Variants in THSD7B observed in about 807,000 individuals in gnomAD.
THSD7B encodes the protein thrombospondin type-1 domain-containing protein 7B.
In THSD7B, 138 loss-of-function variants were observed where a neutral mutation model predicts 213.6. The observed-to-expected ratio is 0.65, with a 90% CI of 0.56 to 0.74. The LOEUF (loss-of-function observed/expected upper bound fraction) is 0.74, where lower values mean the gene tolerates loss of function less well. Among genes scored for constraint, THSD7B ranks in the 30% least tolerant of loss-of-function variants. THSD7B has a pLI of 0.00. For synonymous variants in THSD7B, 742 were observed against 687.0 expected (o/e 1.08, Z -1.25); for missense variants, 1,931 against 1,991.5 (o/e 0.97, Z 0.58).
At chr2:136,802,509 G>A (rs1380315025) in intron 1 of THSD7B, among the ~76,000 whole-genome samples, 2 of 151,350 alleles carry the variant, frequency 1.3e-5, no homozygotes, top group African/African-American at 4.9e-5. Flanking sequence ...GCCCTCCTGA[G>A]AGGATAACAA....
chr2:137,546,054 A>G (rs1457587371), intron 15 of THSD7B, among the ~76,000 whole-genome samples: 1 of 151,392 alleles, frequency 6.6e-6, no homozygotes, highest in Non-Finnish European at 1.5e-5. Context: ...AAAAAAACAT[A>G]AATGGATTCA....
At chr2:137,498,766 T>C (rs1277307835) in intron 15 of THSD7B, among the ~76,000 whole-genome samples, 1 of 152,016 alleles carries the variant, frequency 6.6e-6, no homozygotes, top group Non-Finnish European at 1.5e-5. Context: ...AGAGAGGTGT[T>C]ATATTGTGAC....
In THSD7B at chr2:137,419,304, T is replaced by G. The variant is rs566788313; in HGVS notation, c.2959+7432T>G. Among the ~76,000 whole-genome samples the G allele has an allele frequency of 2.6e-5, 4 of 151,576 alleles. No individual in the cohort carries two copies. In the South Asian group the frequency reaches 6.3e-4, roughly 24 times the overall value. Reference sequence around the variant, plus strand: ...TCAGTCTGCCAGGCTGTGCCTGGCTTGTACTCTGGTGCTTATCCTGTAGCC... The same window carrying G: ...TCAGTCTGCCAGGCTGTGCCTGGCTGGTACTCTGGTGCTTATCCTGTAGCC... On this transcript the variant is annotated intron_variant, in intron 14 of 27. Coordinates refer to ENST00000409968, the MANE Select transcript of THSD7B (RefSeq NM_001316349.2).
In THSD7B at chr2:137,427,720, G is replaced by A. The variant is rs565430646; in HGVS notation, c.2959+15848G>A. Among the ~76,000 whole-genome samples the A allele has an allele frequency of 7.6e-4, 115 of 152,182 alleles. 2 individuals carry two copies. The highest frequency in any genetic ancestry group is 2.7e-3 in the East Asian group (14 of 5,172). On this transcript the variant is annotated intron_variant, in intron 14 of 27. Transcript: ENST00000409968. The stretch of plus-strand genomic sequence containing the variant: ...AATGCTGATCAAAGCGTACAAACTT[G>A]CAGTAATGAGATGAATAAGTTCTGT...
At chr2:136,998,421 C>T (rs1228553110) in intron 2 of THSD7B, among the ~76,000 whole-genome samples, 2 of 152,086 alleles carry the variant, frequency 1.3e-5, no homozygotes, top group Non-Finnish European at 2.9e-5. Context: ...ACCCACTACT[C>T]ACACTTAAAT....
At chr2:137,399,451 C>T (rs138360941) in intron 12 of THSD7B, among the ~76,000 whole-genome samples, 97 of 152,160 alleles carry the variant, frequency 6.4e-4, no homozygotes, top group Non-Finnish European at 9.1e-4. Flanking sequence ...CCTTGGCCTC[C>T]GAAAGTGCTG....
At chr2:137,153,767 T>C (rs1231709432) in intron 5 of THSD7B, among the ~76,000 whole-genome samples, 2 of 152,176 alleles carry the variant, frequency 1.3e-5, no homozygotes, top group Non-Finnish European at 1.5e-5. Flanking sequence ...AGGAGGTAGA[T>C]TGAGTTTCTG....
At chr2:137,583,515 A>T (rs541633068) in intron 17 of THSD7B, among the ~76,000 whole-genome samples, 7 of 152,176 alleles carry the variant, frequency 4.6e-5, no homozygotes, top group African/African-American at 1.7e-4. Context: ...TAATTTTTGT[A>T]TAAGGTGTGA....
At chr2:136,774,264 T>A (rs1400064341) in intron 1 of THSD7B, among the ~76,000 whole-genome samples, 1 of 152,112 alleles carries the variant, frequency 6.6e-6, no homozygotes, top group Non-Finnish European at 1.5e-5. Flanking sequence ...TTCTCATCCC[T>A]CTTTTACTGT....
Position 137,222,432 on chromosome 2 carries a change from A to T in THSD7B, c.1724-8612A>T, listed in dbSNP as rs1250416238. ...ATTTCCTACATTACAGAGGTCACAT[A>T]TTCATTTTATTATTTTATTCTGGAT... On this transcript the variant is annotated intron_variant, in intron 7 of 27. Coordinates refer to ENST00000409968, the MANE Select transcript of THSD7B (RefSeq NM_001316349.2). Among the ~76,000 whole-genome samples, 4 of 152,164 alleles carry T rather than the reference A, an allele frequency of 2.6e-5. No homozygotes were observed. The East Asian group carries it at 7.7e-4, about 29-fold the overall frequency.
At chr2:136,852,262 A>G (rs1466514824) in intron 1 of THSD7B, among the ~76,000 whole-genome samples, 1 of 151,880 alleles carries the variant, frequency 6.6e-6, no homozygotes, top group African/African-American at 2.4e-5. Flanking sequence ...AGAAATAGAG[A>G]CTTGTTTCTA....
At position 136,798,537 on chromosome 2, in the gene THSD7B, C is replaced by T. The variant is rs190863625; in HGVS notation, c.-36+32850C>T. On this transcript the variant is annotated intron_variant, in intron 1 of 27. Transcript: ENST00000409968. ...TCTGCATATTCCAGAATGGTTAGTA[C>T]CCCTATCTGCTTCCCTGTCTTCTAA... 2.4e-3 allele frequency among the ~76,000 whole-genome samples: 362 copies of T among 152,056 alleles called. 1 individual carries two copies. The highest frequency in any genetic ancestry group is 8.5e-3 in the African/African-American group (351 of 41,512).
At chr2:137,504,452 C>G (rs1159475830) in intron 15 of THSD7B, among the ~76,000 whole-genome samples, 1 of 152,188 alleles carries the variant, frequency 6.6e-6, no homozygotes, top group Non-Finnish European at 1.5e-5. Context: ...CTGCTCCCAT[C>G]TAATCCATGT....
intron 5 of THSD7B, among the ~76,000 whole-genome samples, chr2:137,139,566 ATATT>A (rs1679540815): frequency 6.6e-6 from 1 of 152,108 alleles, no homozygotes; most frequent in Admixed American, 6.6e-5. Context: ...TTTTCTATCT[ATATT>A]TAGTCATTTG....
intron 2 of THSD7B, among the ~76,000 whole-genome samples, chr2:136,952,894 T>G (rs966301949): frequency 6.6e-6 from 1 of 152,156 alleles, no homozygotes; most frequent in Non-Finnish European, 1.5e-5. Flanking sequence ...TTGCCATTAA[T>G]GGGAATAAAA....
At chr2:136,998,909 G>GACACAAACACACACACACACACACAC (rs1295053031) in intron 2 of THSD7B, among the ~76,000 whole-genome samples, 1 of 129,898 alleles carries the variant, frequency 7.7e-6, no homozygotes, top group African/African-American at 2.8e-5. Flanking sequence ...ATACCCAACA[G>GACACAAACACACACACACACACACAC]ACACACACAC....
At chr2:136,855,995 TC>T (rs35835225) in intron 1 of THSD7B, among the ~76,000 whole-genome samples, 114,817 of 152,014 alleles carry the variant, frequency 0.76, 43,615 homozygotes, top group Middle Eastern at 0.85. Flanking sequence ...AGGAAGTTTT[TC>T]CCTATCCACC....
At chr2:137,397,208 T>C (rs1182466690) in intron 12 of THSD7B, among the ~76,000 whole-genome samples, 1 of 152,040 alleles carries the variant, frequency 6.6e-6, no homozygotes, top group Admixed American at 6.6e-5. Context: ...CCTGTCATTA[T>C]GATGTTAGCT....
chr2:137,076,526 C>T (rs889446980), intron 3 of THSD7B, among the ~76,000 whole-genome samples: 1 of 152,256 alleles, frequency 6.6e-6, no homozygotes, highest in Non-Finnish European at 1.5e-5. Flanking sequence ...TTCCCTGACC[C>T]CTTGTGCTTC....
Sources: gnomAD v4.1 joint callset for allele counts (sites outside exome capture counted in the v4.1 genomes callset) on GRCh38, gnomAD v4.1.1 for gene constraint, MANE v1.5 for transcripts, NCBI Gene and HGNC (gene_info 2026-07-23, HGNC 2026-07-21) for gene names.